Variants in SGK2 observed in about 807,000 individuals in gnomAD.
SGK2 encodes serine/threonine-protein kinase Sgk2.
SGK2 carries 36 observed loss-of-function variants against 47.5 expected under a neutral mutation model. The observed-to-expected ratio is 0.76, with a 90% CI of 0.58 to 1.00. The LOEUF (loss-of-function observed/expected upper bound fraction) is 1.00, where lower values mean the gene tolerates loss of function less well. Ranked by LOEUF, SGK2 falls within the 50% of genes least tolerant of loss-of-function variation. The pLI, the probability that SGK2 is intolerant of heterozygous loss-of-function variation, is 0.00. For missense variants in SGK2, 404 were observed against 467.4 expected, an observed-to-expected ratio of 0.86 and a Z score of 1.25; for synonymous variants, 157 against 181.9, an observed-to-expected ratio of 0.86 and a Z score of 1.10.
At chr20:43,570,930 G>A in intron 7 of SGK2, 94 bp from the exon 8 acceptor site, 2 of 1,585,818 alleles carry the variant, frequency 1.3e-6, no homozygotes, top group East Asian at 4.5e-5. Context: ...TCCATGAATA[G>A]TTCTCCTGCC....
chr20:43,574,773 A>G, intron 9 of SGK2, 136 bp from the exon 10 acceptor site: 1 of 609,626 alleles, frequency 1.6e-6, no homozygotes, highest in Non-Finnish European at 3.0e-6. Flanking sequence ...TGACTGATGC[A>G]TGAACACACA....
At chr20:43,560,592 A>G (rs1219190437) in intron 1 of SGK2, among the ~76,000 whole-genome samples, 2 of 151,894 alleles carry the variant, frequency 1.3e-5, no homozygotes, top group African/African-American at 4.8e-5. Context: ...AGCTGTGCTC[A>G]CAAATGTGTA....
intron 1 of SGK2, among the ~76,000 whole-genome samples, chr20:43,564,059 A>G (rs991592431): frequency 6.6e-6 from 1 of 152,224 alleles, no homozygotes; most frequent in African/African-American, 2.4e-5. Context: ...CTGTGGGCCC[A>G]TCAACTCCTT....
intron 11 of SGK2, among the ~76,000 whole-genome samples, chr20:43,576,711 G>A (rs1169702909): frequency 6.6e-6 from 1 of 152,230 alleles, no homozygotes; most frequent in African/African-American, 2.4e-5. Flanking sequence ...AGGCCAGAAC[G>A]GGTGGATCAC....
At chr20:43,563,135 C>CAAAAAAAAAAAAAAAAAAAA (rs796539305) in intron 1 of SGK2, among the ~76,000 whole-genome samples, 3 of 70,616 alleles carry the variant, frequency 4.2e-5, no homozygotes, top group African/African-American at 1.1e-4. Flanking sequence ...GACTCTGTCT[C>CAAAAAAAAAAAAAAAAAAAA]AAAAAAAAAA....
At chr20:43,566,434 C>T (rs745455402) in intron 1 of SGK2, 39 bp from the exon 2 acceptor site, 3 of 1,614,184 alleles carry the variant, frequency 1.9e-6, no homozygotes, top group African/African-American at 1.3e-5. Context: ...GACCCCCCAA[C>T]ACCAACTCTC....
intron 6 of SGK2, among the ~76,000 whole-genome samples, chr20:43,570,182 G>A (rs538745271): frequency 1.8e-4 from 28 of 152,206 alleles, no homozygotes; most frequent in African/African-American, 6.0e-4. Context: ...TCATCATATC[G>A]CCTGGATTGA....
intron 1 of SGK2, among the ~76,000 whole-genome samples, chr20:43,563,988 C>T (rs1410158184): frequency 6.6e-6 from 1 of 152,180 alleles, no homozygotes; most frequent in Non-Finnish European, 1.5e-5. Context: ...GGGCCCTAGC[C>T]CCATGTGTCC....
chr20:43,564,148 G>A (rs1004427143), intron 1 of SGK2, among the ~76,000 whole-genome samples: 10 of 152,252 alleles, frequency 6.6e-5, no homozygotes, highest in African/African-American at 1.2e-4. Context: ...GACCGCCCCA[G>A]GCAGCAAGGC....
chr20:43,580,195 A>G, intron 12 of SGK2, 134 bp downstream of exon 12: 1 of 586,642 alleles, frequency 1.7e-6, no homozygotes, highest in Non-Finnish European at 3.0e-6. Context: ...CTACACAGTC[A>G]GTTAGAGACA....
chr20:43,585,006 TG>T lies in SGK2; in HGVS notation c.1096del (p.Asp366IlefsTer31). On this transcript the variant is annotated frameshift_variant, in exon 13 of 13. Coordinates refer to ENST00000373100, the MANE Select transcript of SGK2 (RefSeq NM_170693.3). LOFTEE classifies it high-confidence loss of function. ...FSYAPEDDDI[L>X]DC is the part of the protein sequence containing the mutation. ...TATGCGCCAGAGGATGATGACATCT[TG>T]GATTGCTAGAAGAGAAGGACCTGTG... is the stretch of plus-strand genomic sequence containing the variant. 6.2e-7 allele frequency: 1 copy of T among 1,613,594 alleles called. No homozygotes were observed. Among genetic ancestry groups the T allele is most frequent in the Non-Finnish European group, 8.5e-7 (1 of 1,179,692 alleles).
At chr20:43,567,629 G>A (rs375909350) in intron 3 of SGK2, 36 bp from the exon 4 acceptor site, 22 of 1,607,246 alleles carry the variant, frequency 1.4e-5, no homozygotes, top group Non-Finnish European at 1.9e-5. Context: ...TCCAGACATT[G>A]CAAATGCTGA....
At position 43,570,746 on chromosome 20, in the gene SGK2, G is replaced by A. The variant is rs1403937807; in HGVS notation, c.473+17G>A. On this transcript the variant is annotated intron_variant, in intron 7 of 12. Transcript: ENST00000373100. Reference sequence around the variant, plus strand: ...CATTTACAGGTGAGGCCTGCCTGTGGCTCAGAGCCAGGACCAAGCCCTTCT... The same window carrying A: ...CATTTACAGGTGAGGCCTGCCTGTGACTCAGAGCCAGGACCAAGCCCTTCT... The A allele has an allele frequency of 1.3e-6, 2 of 1,577,298 alleles. No individual in the cohort carries two copies.
chr20:43,576,198 T>G, intron 10 of SGK2, 26 bp from the exon 11 acceptor site: 1 of 1,611,946 alleles, frequency 6.2e-7, no homozygotes, highest in Non-Finnish European at 8.5e-7. Context: ...TGGGTGATCC[T>G]CCAGCTGTTC....
chr20:43,563,402 C>T (rs1290641129), intron 1 of SGK2, among the ~76,000 whole-genome samples: 1 of 152,124 alleles, frequency 6.6e-6, no homozygotes, highest in Non-Finnish European at 1.5e-5. Context: ...CCAAATTCTT[C>T]AGAGAAGTTG....
intron 6 of SGK2, among the ~76,000 whole-genome samples, chr20:43,570,289 C>G (rs1184148250): frequency 6.6e-6 from 1 of 152,210 alleles, no homozygotes; most frequent in Non-Finnish European, 1.5e-5. Context: ...CATTCTGACC[C>G]CTCCTAGCTT....
At chr20:43,584,597 A>G (rs1188088751) in intron 12 of SGK2, among the ~76,000 whole-genome samples, 1 of 152,246 alleles carries the variant, frequency 6.6e-6, no homozygotes, top group Middle Eastern at 3.2e-3. Flanking sequence ...CAGCGCCACG[A>G]ACAGTACCTG....
At chr20:43,564,143 C>T (rs564779367) in intron 1 of SGK2, among the ~76,000 whole-genome samples, 33 of 152,358 alleles carry the variant, frequency 2.2e-4, no homozygotes, top group Non-Finnish European at 4.3e-4. Context: ...CTAATGACCG[C>T]CCCAGGCAGC....
chr20:43,580,196 G>C, intron 12 of SGK2, 135 bp downstream of exon 12: 2 of 586,552 alleles, frequency 3.4e-6, no homozygotes, highest in Non-Finnish European at 3.0e-6. Context: ...TACACAGTCA[G>C]TTAGAGACAG....
Sources: gnomAD v4.1 joint callset for allele counts (sites outside exome capture counted in the v4.1 genomes callset) on GRCh38, gnomAD v4.1.1 for gene constraint, MANE v1.5 for transcripts, NCBI Gene and HGNC (gene_info 2026-07-23, HGNC 2026-07-21) for gene names.